Variants in NUBPL observed in about 807,000 individuals in gnomAD.
The protein encoded by NUBPL is iron-sulfur cluster transfer protein NUBPL.
A neutral mutation model predicts 45.7 loss-of-function variants in NUBPL; 31 were observed. That is an observed-to-expected ratio of 0.68 (90% CI 0.51 to 0.92). The LOEUF (loss-of-function observed/expected upper bound fraction) is 0.92. Among genes scored for constraint, NUBPL ranks in the 40% least tolerant of loss-of-function variants. The pLI is 0.00. For synonymous variants in NUBPL, 144 were observed against 140.9 expected (o/e 1.02, Z -0.15); for missense variants, 401 against 398.7 (o/e 1.01, Z -0.05).
chr14:31,638,913 T>C (rs1357657687), intron 4 of NUBPL, among the ~76,000 whole-genome samples: 1 of 152,240 alleles, frequency 6.6e-6, no homozygotes, highest in Non-Finnish European at 1.5e-5. Flanking sequence ...ACGTAGTTCT[T>C]GAGCCTTGGC....
At chr14:31,747,072 CAAAAAAAA>C (rs371061163) in intron 6 of NUBPL, among the ~76,000 whole-genome samples, 1 of 65,504 alleles carries the variant, frequency 1.5e-5, no homozygotes. Context: ...AACCTGTCTC[CAAAAAAAA>C]AAAAAAAAAA....
intron 9 of NUBPL, among the ~76,000 whole-genome samples, chr14:31,849,297 A>G (rs1277756793): frequency 6.6e-6 from 1 of 152,200 alleles, no homozygotes; most frequent in Non-Finnish European, 1.5e-5. Flanking sequence ...AGTGGTTCTG[A>G]GAACGCTAAG....
At chr14:31,613,824 TATTACAC>T (rs2034826391) in intron 4 of NUBPL, among the ~76,000 whole-genome samples, 3 of 152,054 alleles carry the variant, frequency 2.0e-5, no homozygotes, top group Admixed American at 2.0e-4. Context: ...ATGTTGTGAT[TATTACAC>T]ATTGTATGCC....
rs567790545 is a variant in NUBPL at position 31,598,296 on chromosome 14, A to G, written c.292-993A>G. Among the ~76,000 whole-genome samples, 22 of 152,278 alleles carry G rather than the reference A, an allele frequency of 1.4e-4. No individual in the cohort carries two copies. The East Asian group carries it at 2.1e-3, about 15-fold the overall frequency. On this transcript the variant is annotated intron_variant, in intron 3 of 10. Coordinates refer to ENST00000281081, the MANE Select transcript of NUBPL (RefSeq NM_025152.3). ...AAAAAGTTTTTTTTTGTCTAGAAAT[A>G]GGTAGGTAACATCGAAGATGAGTGA...
intron 6 of NUBPL, among the ~76,000 whole-genome samples, chr14:31,685,391 C>T (rs2036928616): frequency 6.6e-6 from 1 of 151,862 alleles, no homozygotes; most frequent in Admixed American, 6.6e-5. Context: ...TGTATTCTAC[C>T]TATATAGAGA....
intron 10 of NUBPL, among the ~76,000 whole-genome samples, chr14:31,857,967 A>G (rs148903003): frequency 6.6e-6 from 1 of 152,142 alleles, no homozygotes; most frequent in Non-Finnish European, 1.5e-5. Context: ...ACTGGTACCA[A>G]CTTACCGTAA....
chr14:31,648,223 A>G (rs2035907410), intron 4 of NUBPL, among the ~76,000 whole-genome samples: 1 of 152,248 alleles, frequency 6.6e-6, no homozygotes, highest in Non-Finnish European at 1.5e-5. Context: ...ACAGAATATC[A>G]TCAATTCAAA....
intron 4 of NUBPL, among the ~76,000 whole-genome samples, chr14:31,661,392 A>C (rs1055329218): frequency 1.3e-5 from 2 of 152,204 alleles, no homozygotes; most frequent in African/African-American, 4.8e-5. Flanking sequence ...TATTAAGTTT[A>C]TGTGGAGGAG....
At chr14:31,685,003 A>C (rs1329969761) in intron 6 of NUBPL, among the ~76,000 whole-genome samples, 1 of 151,420 alleles carries the variant, frequency 6.6e-6, no homozygotes, top group African/African-American at 2.5e-5. Flanking sequence ...GAAAAAACTA[A>C]GGATACTAAT....
intron 6 of NUBPL, among the ~76,000 whole-genome samples, chr14:31,778,472 T>C (rs954386608): frequency 6.6e-6 from 1 of 152,264 alleles, no homozygotes; most frequent in Non-Finnish European, 1.5e-5. Flanking sequence ...GTCTTTGTTA[T>C]TGGGCTTTTA....
intron 6 of NUBPL, among the ~76,000 whole-genome samples, chr14:31,723,789 G>A (rs1036204676): frequency 2.0e-5 from 3 of 152,068 alleles, no homozygotes; most frequent in African/African-American, 7.2e-5. Context: ...TCTGTACATT[G>A]GTTTTGTATC....
intron 6 of NUBPL, among the ~76,000 whole-genome samples, chr14:31,718,918 AATAAAAT>A (rs2037747293): frequency 6.6e-6 from 1 of 152,204 alleles, no homozygotes; most frequent in Non-Finnish European, 1.5e-5. Flanking sequence ...GACTACACAG[AATAAAAT>A]AGAGATGCAT....
intron 4 of NUBPL, among the ~76,000 whole-genome samples, chr14:31,637,379 T>G (rs1393476416): frequency 6.6e-6 from 1 of 152,208 alleles, no homozygotes; most frequent in Non-Finnish European, 1.5e-5. Flanking sequence ...GTTGTTCAGT[T>G]TCCATGTAGT....
intron 4 of NUBPL, among the ~76,000 whole-genome samples, chr14:31,631,766 G>GT (rs998646702): frequency 1.8e-4 from 27 of 150,486 alleles, no homozygotes; most frequent in African/African-American, 2.2e-4. Context: ...TTCCACCCCC[G>GT]TTTTTTTTTC....
At chr14:31,747,193 T>C (rs924844203) in intron 6 of NUBPL, among the ~76,000 whole-genome samples, 3 of 146,492 alleles carry the variant, frequency 2.0e-5, no homozygotes, top group African/African-American at 8.0e-5. Context: ...TGGAGTGCAG[T>C]GGCACGATCT....
At chr14:31,734,889 C>T (rs55650244) in intron 6 of NUBPL, among the ~76,000 whole-genome samples, 44,921 of 151,926 alleles carry the variant, frequency 0.3, 7,494 homozygotes, top group South Asian at 0.41. Context: ...GTTTAACCTC[C>T]AGGTTATAAC....
chr14:31,564,700 TA>T (rs1334904999), intron 2 of NUBPL, among the ~76,000 whole-genome samples: 4 of 151,994 alleles, frequency 2.6e-5, no homozygotes, highest in Non-Finnish European at 5.9e-5. Context: ...AACATGATTT[TA>T]AAAAATTAAG....
chr14:31,790,533 A>C (rs1263174691), intron 7 of NUBPL, among the ~76,000 whole-genome samples: 1 of 152,178 alleles, frequency 6.6e-6, no homozygotes, highest in Non-Finnish European at 1.5e-5. Flanking sequence ...TCATCTTCTC[A>C]AACTGAAACT....
intron 4 of NUBPL, among the ~76,000 whole-genome samples, chr14:31,628,081 G>A (rs1468610116): frequency 6.6e-6 from 1 of 152,160 alleles, no homozygotes. Flanking sequence ...TGAAGCATAT[G>A]AAGAAAATCC....
Sources: gnomAD v4.1 joint callset for allele counts (sites outside exome capture counted in the v4.1 genomes callset) on GRCh38, gnomAD v4.1.1 for gene constraint, MANE v1.5 for transcripts, NCBI Gene and HGNC (gene_info 2026-07-23, HGNC 2026-07-21) for gene names.